Variants in ADGRB1 observed in about 807,000 individuals in gnomAD.
ADGRB1 encodes brain-specific angiogenesis inhibitor 1.
A neutral mutation model predicts 175.7 loss-of-function variants in ADGRB1; 36 were observed. The observed-to-expected ratio is 0.20, with a 90% CI of 0.16 to 0.27. The LOEUF is 0.27. Ranked by LOEUF, ADGRB1 falls within the 10% of genes least tolerant of loss-of-function variation. The pLI is 1.00. For missense variants in ADGRB1, 1,731 were observed against 2,255.3 expected (o/e 0.77, Z 4.71); for synonymous variants, 1,054 against 979.4 (o/e 1.08, Z -1.42).
intron 30 of ADGRB1, among the ~76,000 whole-genome samples, 176 bp from the exon 31 acceptor site, chr8:142,544,044 G>T (rs1383516128): frequency 6.6e-6 from 1 of 152,080 alleles, no homozygotes; most frequent in African/African-American, 2.4e-5. Flanking sequence ...TGTGCCTGCC[G>T]CTGCCCAGCT....
At position 142,543,259 on chromosome 8, in the gene ADGRB1, C is replaced by T; in HGVS notation, c.4414-144C>T. On this transcript the variant is annotated intron_variant, in intron 28 of 30. Coordinates refer to ENST00000517894, the MANE Select transcript of ADGRB1 (RefSeq NM_001702.3). This position sits in a 1 kb window ranked among gnomAD's most constrained non-coding sequence, Gnocchi z 4.4. ...CTGGAGGAGCTGCCTCAGTGCGCCC[C>T]CAGGCATGTCCCCTGGGTCTGGCCT... The T allele has an allele frequency of 9.0e-7, 1 of 1,109,774 alleles. No homozygotes were observed. Among genetic ancestry groups the T allele is most frequent in the South Asian group, 1.5e-5 (1 of 67,612 alleles). 68.7% of individuals were successfully genotyped at this position (1,109,774 alleles called of 1,614,324 possible).
chr8:142,507,075 C>T (rs916264007), intron 17 of ADGRB1, among the ~76,000 whole-genome samples: 1 of 152,226 alleles, frequency 6.6e-6, no homozygotes, highest in African/African-American at 2.4e-5. Flanking sequence ...GCTGTGTGAA[C>T]TTGGACAATC....
At position 142,504,045 on chromosome 8, in the gene ADGRB1, G is replaced by T. The variant is rs1425088195; in HGVS notation, c.2676-6887G>T. On this transcript the variant is annotated intron_variant, in intron 17 of 30. Coordinates refer to ENST00000517894, the MANE Select transcript of ADGRB1 (RefSeq NM_001702.3). The surrounding 1 kb of genome is among the most constrained non-coding windows in gnomAD (Gnocchi z 5.6). ...CCTGAGCAGGCTCCAGCGTCATCTG[G>T]CAAGCTGGGTTCAGTAAGACCCAGG... Among the ~76,000 whole-genome samples the T allele has an allele frequency of 6.6e-6, 1 of 152,208 alleles. No homozygotes were observed.
chr8:142,520,800 T>G lies in ADGRB1; in HGVS notation c.2922-23T>G. On this transcript the variant is annotated intron_variant, in intron 19 of 30. Transcript: ENST00000517894. ...GATGGGGTTCTGTTGGGTGCTGACC[T>G]TGGGCCCCTGCACTCTCCACAGGTA... is the stretch of plus-strand genomic sequence containing the variant. 3 of 1,605,202 alleles carry G rather than the reference T, an allele frequency of 1.9e-6. No individual in the cohort carries two copies. In the South Asian group the frequency reaches 3.3e-5, roughly 18 times the overall value.
intron 17 of ADGRB1, among the ~76,000 whole-genome samples, chr8:142,502,639 C>T (rs1197225684): frequency 1.8e-4 from 12 of 68,098 alleles, no homozygotes; most frequent in African/African-American, 5.3e-4. Flanking sequence ...GGGACGGTGA[C>T]GGTGGTGATG....
At chr8:142,465,033 G>A (rs534774466) in intron 2 of ADGRB1, 51 bp downstream of exon 2, 2 of 945,540 alleles carry the variant, frequency 2.1e-6, no homozygotes, top group Non-Finnish European at 2.7e-6. Flanking sequence ...GCAGACAGGG[G>A]AGGCGGGCAG....
chr8:142,467,035 G>A (rs540904377), intron 2 of ADGRB1, among the ~76,000 whole-genome samples: 9 of 152,358 alleles, frequency 5.9e-5, no homozygotes, highest in Non-Finnish European at 8.8e-5. Flanking sequence ...TCGGAACAGC[G>A]TGGAGCTTGT....
At chr8:142,450,705 C>T (rs1839295964) in intron 1 of ADGRB1, among the ~76,000 whole-genome samples, 1 of 152,144 alleles carries the variant, frequency 6.6e-6, no homozygotes, top group Non-Finnish European at 1.5e-5. Context: ...TCGAAGCCCT[C>T]GCTCGTAGAA....
intron 17 of ADGRB1, among the ~76,000 whole-genome samples, chr8:142,507,158 A>G (rs1484523649): frequency 6.6e-6 from 1 of 152,190 alleles, no homozygotes; most frequent in Non-Finnish European, 1.5e-5. Flanking sequence ...CAAATGATAA[A>G]CTGCCAGAAA....
In ADGRB1 at chr8:142,479,811, A is replaced by G. The variant is rs1563695614; in HGVS notation, c.1828+17A>G. The stretch of plus-strand genomic sequence containing the variant: ...ACGCCACAGGTGAGGGCTGGAGAGC[A>G]CGTGGTGTATGGGGGCTCCCGTCCT... On this transcript the variant is annotated intron_variant, in intron 9 of 30. Coordinates refer to ENST00000517894, the MANE Select transcript of ADGRB1 (RefSeq NM_001702.3). The G allele has an allele frequency of 1.2e-6, 2 of 1,604,906 alleles. No homozygotes were observed. The highest frequency in any genetic ancestry group is 1.3e-5 in the African/African-American group (1 of 74,242).
chr8:142,500,871 G>A (rs567588315), intron 17 of ADGRB1, among the ~76,000 whole-genome samples: 2 of 152,310 alleles, frequency 1.3e-5, no homozygotes, highest in Admixed American at 6.5e-5. Flanking sequence ...CAGGGAGTGG[G>A]GTCAGCCTGG....
chr8:142,507,871 T>C (rs930845589), intron 17 of ADGRB1, among the ~76,000 whole-genome samples: 1 of 152,046 alleles, frequency 6.6e-6, no homozygotes, highest in Non-Finnish European at 1.5e-5. Context: ...CTTCCTGGGG[T>C]GCCCTCTGGC....
At chr8:142,528,410 C>T (rs898902114) in intron 24 of ADGRB1, among the ~76,000 whole-genome samples, 1 of 152,194 alleles carries the variant, frequency 6.6e-6, no homozygotes, top group Non-Finnish European at 1.5e-5. Flanking sequence ...TGGCTGAGAG[C>T]CCCCAGGACC....
At chr8:142,536,370 G>A (rs372416485) in intron 25 of ADGRB1, among the ~76,000 whole-genome samples, 2 of 152,206 alleles carry the variant, frequency 1.3e-5, no homozygotes, top group African/African-American at 4.8e-5. Flanking sequence ...CTCCTTGGGA[G>A]TTCCCTGTCC....
rs1228759534 is a variant in ADGRB1 at position 142,520,840 on chromosome 8, G to A, written c.2939G>A (p.Arg980His). ...CTCCACAGGTACATTCGCTCAGAGC[G>A]TTCTGTCATCCTCATCAACTTCTGC... ...VSVWRYIRSERSVILINFCLS... is the reference protein window; with the variant it reads ...VSVWRYIRSEHSVILINFCLS... The change falls in exon 20 of 31, where the codon CGT (arginine) becomes CAT (histidine). Residue 980 changes from arginine to histidine, a missense_variant. By Grantham distance (29) the Arg-to-His change is conservative (BLOSUM62 0). This residue lies in a region of ADGRB1 where 301 missense variants were observed against 488.4 expected (regional missense o/e 0.62). Coordinates refer to ENST00000517894, the MANE Select transcript of ADGRB1 (RefSeq NM_001702.3). 5.0e-6 allele frequency: 8 copies of A among 1,613,546 alleles called. No homozygotes were observed. Among genetic ancestry groups the A allele is most frequent in the South Asian group, 1.1e-5 (1 of 91,080 alleles).
At chr8:142,526,514 C>CCCCCCCCCCCCCCCA in intron 23 of ADGRB1, 28 bp from the exon 24 acceptor site, 1 of 1,378,166 alleles carries the variant, frequency 7.3e-7, no homozygotes, top group Non-Finnish European at 1.0e-6. Context: ...CCCCCACCCC[C>CCCCCCCCCCCCCCCA]ACACCCCCAC....
chr8:142,520,791 G>T, intron 19 of ADGRB1, 32 bp from the exon 20 acceptor site: 1 of 1,586,634 alleles, frequency 6.3e-7, no homozygotes, highest in Non-Finnish European at 8.7e-7. Flanking sequence ...GTTCTGTTGG[G>T]TGCTGACCTT....
chr8:142,544,103 G>T (rs1293827101), intron 30 of ADGRB1, 117 bp from the exon 31 acceptor site: 26 of 1,118,858 alleles, frequency 2.3e-5, no homozygotes, highest in Non-Finnish European at 3.0e-5. Context: ...CCTGTCCCCT[G>T]TCCCCCACCT....
At chr8:142,460,238 G>A (rs1839904887) in intron 1 of ADGRB1, among the ~76,000 whole-genome samples, 1 of 152,194 alleles carries the variant, frequency 6.6e-6, no homozygotes, top group South Asian at 2.1e-4. Context: ...TCAGGGATGG[G>A]TGGGTCTGCT....
Sources: gnomAD v4.1 joint callset for allele counts (sites outside exome capture counted in the v4.1 genomes callset) on GRCh38, gnomAD v4.1.1 for gene constraint, gnomAD v4.1.1 regional missense constraint, Gnocchi (gnomAD v3.1) non-coding constraint, MANE v1.5 for transcripts, NCBI Gene and HGNC (gene_info 2026-07-23, HGNC 2026-07-21) for gene names.